TTC16: variants seen among roughly 807,000 people sequenced by gnomAD.
TTC16 encodes the protein tetratricopeptide repeat protein 16.
TTC16 carries 66 observed loss-of-function variants against 80.4 expected under a neutral mutation model. The observed-to-expected ratio is 0.82, with a 90% CI of 0.67 to 1.01. The LOEUF (loss-of-function observed/expected upper bound fraction) is 1.01. TTC16 is among the 50% of genes least tolerant of loss of function. The pLI is 0.00. For missense variants in TTC16, 1,070 were observed against 1,103.2 expected (o/e 0.97, Z 0.43); for synonymous variants, 438 against 451.3 (o/e 0.97, Z 0.37).
In TTC16 at chr9:127,716,348, A is replaced by T. The variant is rs1843009132; in HGVS notation, c.18+185A>T. On this transcript the variant is annotated intron_variant, in intron 1 of 13. Transcript: ENST00000373289. ...CTTGTAAGGCTCGGCGGCTGCTTGG[A>T]CAGAGGTCTCTGGCTTGGGTAGCTG... is the stretch of plus-strand genomic sequence containing the variant. 2.9e-5 allele frequency: 25 copies of T among 860,516 alleles called. 1 individual carries two copies. In the South Asian group the frequency reaches 3.8e-4, roughly 13 times the overall value. 53.3% of individuals were successfully genotyped at this position (860,516 alleles called of 1,614,324 possible).
In TTC16 at chr9:127,731,010, AGG is replaced by A; in HGVS notation, c.2228_2229del (p.Arg743ThrfsTer7). The stretch of plus-strand genomic sequence containing the variant: ...CAAGACTGAGGCCACTCAGGGCCAG[AGG>A]CAGAGCTCCAGCGAGATTGAGGCCA... The part of the protein sequence containing the change: ...SSKTEATQGQ[R>X]QSSSEIEATQ... On this transcript the variant is annotated frameshift_variant, in exon 14 of 14. Coordinates refer to ENST00000373289, the MANE Select transcript of TTC16 (RefSeq NM_144965.3). LOFTEE classifies it low-confidence loss of function (END_TRUNC). 1 of 1,613,170 alleles carries A rather than the reference AGG, an allele frequency of 6.2e-7. No homozygotes were observed.
In TTC16 at chr9:127,730,682, G is replaced by A. The variant is rs1202898831; in HGVS notation, c.1899G>A (p.Gln633=). ...TSETEMSAIC[Q]EYRSTSATAV... is the part of the protein sequence containing the mutation. The stretch of plus-strand genomic sequence containing the variant: ...AGACTGAGATGTCGGCTATCTGCCA[G>A]GAATACAGGAGCACCTCAGCCACCG... The change falls in exon 14 of 14, where the codon CAG becomes CAA. Residue 633 remains glutamine (Q), a synonymous_variant. Transcript: ENST00000373289. 5 of 1,613,096 alleles carry A rather than the reference G, an allele frequency of 3.1e-6. No individual in the cohort carries two copies. Among genetic ancestry groups the A allele is most frequent in the Non-Finnish European group, 4.2e-6 (5 of 1,180,036 alleles).
rs1275551207 is a variant in TTC16 at position 127,727,338 on chromosome 9, A to G, written c.1637A>G (p.Glu546Gly). ...CTGCAGCACTCATGGAAGCAGGGGG[A>G]GCCTTTGATTGCGACCTCCGAGGAG... is the stretch of plus-strand genomic sequence containing the variant. ...LALQHSWKQGEPLIATSEELK... is the reference protein window; with the variant it reads ...LALQHSWKQGGPLIATSEELK... Residue 546 changes from glutamate to glycine, a missense_variant, in exon 12 of 14, where the codon GAG becomes GGG. Physicochemically the swap from Glu to Gly is moderately conservative, Grantham distance 98. Coordinates refer to ENST00000373289, the MANE Select transcript of TTC16 (RefSeq NM_144965.3). The G allele has an allele frequency of 1.2e-6, 2 of 1,604,944 alleles. No individual in the cohort carries two copies. The highest frequency in any genetic ancestry group is 3.4e-5 in the Admixed American group (2 of 59,444).
chr9:127,716,796 G>A (rs879173693), intron 1 of TTC16, 48 bp from the exon 2 acceptor site: 1 of 1,571,786 alleles, frequency 6.4e-7, no homozygotes, highest in Non-Finnish European at 8.7e-7. Context: ...GTCAGTGGGT[G>A]GGGGTCGTCT....
chr9:127,724,816 C>G lies in TTC16; in HGVS notation c.1178C>G (p.Ala393Gly). Residue 393 changes from alanine (A) to glycine (G), a missense_variant, in exon 9 of 14, where the codon GCG becomes GGG. Coordinates refer to ENST00000373289, the MANE Select transcript of TTC16 (RefSeq NM_144965.3). ...FAEADYQQAL[A>G]LSPQDEGANT... ...GAGGCGGACTACCAGCAGGCGCTGG[C>G]GCTGAGCCCTCAGGACGAGGGCGCC... 2 of 1,608,604 alleles carry G rather than the reference C, an allele frequency of 1.2e-6. No individual in the cohort carries two copies. The highest frequency in any genetic ancestry group is 1.7e-6 in the Non-Finnish European group (2 of 1,178,418).
At chr9:127,729,785 G>A (rs773471990) in intron 13 of TTC16, 117 bp downstream of exon 13, 10 of 906,030 alleles carry the variant, frequency 1.1e-5, no homozygotes, top group Non-Finnish European at 1.7e-5. Flanking sequence ...TGACAGCTGG[G>A]TGGCCTGGGG....
chr9:127,720,512 C>T, intron 6 of TTC16, 117 bp downstream of exon 6: 2 of 1,345,098 alleles, frequency 1.5e-6, no homozygotes, highest in Admixed American at 1.8e-5. Flanking sequence ...TCCCACAGTG[C>T]AGTGGGTGCT....
At position 127,731,050 on chromosome 9, in the gene TTC16, G is replaced by A. The variant is rs760043486; in HGVS notation, c.2267G>A (p.Arg756Lys). The A allele has an allele frequency of 8.7e-6, 14 of 1,612,858 alleles. No homozygotes were observed. The African/African-American group carries it at 1.5e-4, about 17-fold the overall frequency. The change falls in exon 14 of 14, where the codon AGG becomes AAG. Residue 756 changes from arginine (R) to lysine (K), a missense_variant. Arg to Lys is a conservative substitution (Grantham distance 26). Coordinates refer to ENST00000373289, the MANE Select transcript of TTC16 (RefSeq NM_144965.3). ...GAGATTGAGGCCACCCAGGGCCCAA[G>A]GCAGGAGCCCAGCAAGACCAAGACC... ...SSEIEATQGP[R>K]QEPSKTKTTR...
intron 3 of TTC16, 84 bp from the exon 4 acceptor site, chr9:127,717,545 C>G (rs902596000): frequency 6.3e-7 from 1 of 1,581,116 alleles, no homozygotes; most frequent in African/African-American, 1.3e-5. Context: ...TGGATGTCAA[C>G]TCTCAGGGGG....
intron 6 of TTC16, among the ~76,000 whole-genome samples, chr9:127,721,470 G>A (rs1428471585): frequency 6.6e-6 from 1 of 150,568 alleles, no homozygotes; most frequent in African/African-American, 2.4e-5. Flanking sequence ...GGTGGATGGG[G>A]AGCTGGGAAG....
chr9:127,724,782 G>T lies in TTC16; in HGVS notation c.1144G>T (p.Ala382Ser). 1 of 1,610,680 alleles carries T rather than the reference G, an allele frequency of 6.2e-7. No homozygotes were observed. ...TTGCTTCTTCCAGCTGGGCAACCTG[G>T]CCTTTGCCGAGGCGGACTACCAGCA... Reference protein sequence around the residue: ...GDCFFQLGNLAFAEADYQQAL... With the variant: ...GDCFFQLGNLSFAEADYQQAL... Residue 382 changes from alanine to serine, a missense_variant, in exon 9 of 14, where the codon GCC becomes TCC. Physicochemically the swap from Ala to Ser is moderately conservative, Grantham distance 99. Coordinates refer to ENST00000373289, the MANE Select transcript of TTC16 (RefSeq NM_144965.3).
At position 127,722,839 on chromosome 9, in the gene TTC16, G is replaced by A. The variant is rs905275859; in HGVS notation, c.658-280G>A. ...AAAAATTAGCCAGGTGTGGTGGCAC[G>A]CACCTGTAGTCCCAGCTACTCAGGA... On this transcript the variant is annotated intron_variant, in intron 6 of 13. Coordinates refer to ENST00000373289, the MANE Select transcript of TTC16 (RefSeq NM_144965.3). The surrounding 1 kb of genome is among the most constrained non-coding windows in gnomAD (Gnocchi z 4.2). Among the ~76,000 whole-genome samples the A allele has an allele frequency of 2.0e-5, 3 of 152,006 alleles. No homozygotes were observed. Among genetic ancestry groups the A allele is most frequent in the African/African-American group, 7.3e-5 (3 of 41,348 alleles).
Position 127,723,254 on chromosome 9 carries a change from G to A in TTC16, c.793G>A (p.Gly265Ser). Reference protein sequence around the residue: ...RQDAGILAVQGKLQHALQRIN... With the variant: ...RQDAGILAVQSKLQHALQRIN... ...AGATGCGGGGATCCTGGCTGTGCAG[G>A]GCAAGCTGCAGCACGCACTGCAGCG... Residue 265 changes from glycine to serine, a missense_variant, in exon 7 of 14, where the codon GGC (glycine) becomes AGC (serine). By Grantham distance (56) the Gly-to-Ser change is moderately conservative. Transcript: ENST00000373289. 2 of 1,612,918 alleles carry A rather than the reference G, an allele frequency of 1.2e-6. No individual in the cohort carries two copies. The highest frequency in any genetic ancestry group is 8.5e-7 in the Non-Finnish European group (1 of 1,180,030).
At chr9:127,716,579 G>A (rs1280207644) in intron 1 of TTC16, 1 of 562,638 alleles carries the variant, frequency 1.8e-6, no homozygotes. Flanking sequence ...AAGGCCCTGG[G>A]GGAGAACAGA....
At chr9:127,723,962 GC>G (rs1168253532) in intron 7 of TTC16, among the ~76,000 whole-genome samples, 157 bp from the exon 8 acceptor site, 5 of 151,994 alleles carry the variant, frequency 3.3e-5, no homozygotes, top group Non-Finnish European at 7.4e-5. Flanking sequence ...TCCAGAGCTG[GC>G]CCCACGGGAC....
chr9:127,731,412 C>T lies in TTC16; in HGVS notation c.*7C>T. 1 of 1,597,612 alleles carries T rather than the reference C, an allele frequency of 6.3e-7. No individual in the cohort carries two copies. On this transcript the variant is annotated 3_prime_UTR_variant, in exon 14 of 14. Coordinates refer to ENST00000373289, the MANE Select transcript of TTC16 (RefSeq NM_144965.3). ...CTACTATGAAGCTGTCTGAAGGGAC[C>T]ATCCAGACCCTCCCTTCTTGCTGGG...
rs1554788156 is a variant in TTC16 at position 127,724,112 on chromosome 9, C to CCA, written c.873-7_873-6insAC. On this transcript the variant is annotated splice_polypyrimidine_tract_variant and splice_region_variant and intron_variant, in intron 7 of 13. Coordinates refer to ENST00000373289, the MANE Select transcript of TTC16 (RefSeq NM_144965.3). ...CCCTCCTGCCGTCTCCCACGCCCCC[C>CCA]CCGACAGGGGCACCATGTACCGACG... The CCA allele has an allele frequency of 2.5e-6, 4 of 1,599,404 alleles. No homozygotes were observed. In the African/African-American group the frequency reaches 5.4e-5, roughly 21 times the overall value.
chr9:127,724,949 G>T lies in TTC16; in HGVS notation c.1259+52G>T, dbSNP rs984407977. 3.5e-6 allele frequency: 5 copies of T among 1,441,840 alleles called. No individual in the cohort carries two copies. The East Asian group carries it at 1.3e-4, about 37-fold the overall frequency. 89.3% of individuals were successfully genotyped at this position (1,441,840 alleles called of 1,614,324 possible). On this transcript the variant is annotated intron_variant, in intron 9 of 13. Coordinates refer to ENST00000373289, the MANE Select transcript of TTC16 (RefSeq NM_144965.3). ...GGCGGGGCAGGCCCGAGGGCAGGGC[G>T]GGCAGGAGGCCAACTGCTGGGATCC...
rs765759633 is a variant in TTC16 at position 127,717,044 on chromosome 9, C to G, written c.191+28C>G. 4 of 1,606,602 alleles carry G rather than the reference C, an allele frequency of 2.5e-6. No individual in the cohort carries two copies. The Admixed American group carries it at 6.7e-5, about 27-fold the overall frequency. On this transcript the variant is annotated intron_variant, in intron 2 of 13. Transcript: ENST00000373289. ...GAGTGACTACCTTGCTTTGGGGTCCCAGGTTCCTGCCCGACACAGCCATTC... is the reference window on the plus strand; with the variant it reads ...GAGTGACTACCTTGCTTTGGGGTCCGAGGTTCCTGCCCGACACAGCCATTC...
Sources: gnomAD v4.1 joint callset for allele counts (sites outside exome capture counted in the v4.1 genomes callset) on GRCh38, gnomAD v4.1.1 for gene constraint, Gnocchi (gnomAD v3.1) non-coding constraint, MANE v1.5 for transcripts, NCBI Gene and HGNC (gene_info 2026-07-23, HGNC 2026-07-21) for gene names.